The following GALNT14 variants were observed in gnomAD, a reference collection of about 807,000 sequenced individuals.
The protein encoded by GALNT14 is UDP-GalNAc:polypeptide N-acetylgalactosaminyltransferase 14.
A neutral mutation model predicts 77.5 loss-of-function variants in GALNT14; 60 were observed. That is an observed-to-expected ratio of 0.77 (90% CI 0.63 to 0.96). The LOEUF (loss-of-function observed/expected upper bound fraction) is 0.96. Among genes scored for constraint, GALNT14 ranks in the 40% least tolerant of loss-of-function variants. GALNT14 has a pLI of 0.00. For missense variants in GALNT14, 710 were observed against 731.0 expected, an observed-to-expected ratio of 0.97 and a Z score of 0.33; for synonymous variants, 280 against 281.7, an observed-to-expected ratio of 0.99 and a Z score of 0.06.
At chr2:31,130,734 C>CTGTGTGTGTGTGTGTG (rs4020220) in intron 1 of GALNT14, among the ~76,000 whole-genome samples, 141 of 117,514 alleles carry the variant, frequency 1.2e-3, no homozygotes, top group Middle Eastern at 5.0e-3. Flanking sequence ...CAGGGTACCT[C>CTGTGTGTGTGTGTGTG]TGTGTGTGTG....
intron 1 of GALNT14, among the ~76,000 whole-genome samples, chr2:31,033,326 G>A (rs574384788): frequency 2.7e-4 from 41 of 152,154 alleles, no homozygotes; most frequent in African/African-American, 8.7e-4. Context: ...TTTCCTCATG[G>A]CCCTGGCACT....
intron 6 of GALNT14, 105 bp from the exon 7 acceptor site, chr2:30,945,975 G>A: frequency 1.2e-6 from 1 of 859,986 alleles, no homozygotes; most frequent in Non-Finnish European, 1.9e-6. Context: ...GAGTTTTGTG[G>A]CCTTCATAGA....
chr2:30,894,774 T>C, the GALNT14 span, among the ~76,000 whole-genome samples: 1 of 152,172 alleles, frequency 6.6e-6, no homozygotes, highest in East Asian at 1.9e-4. Context: ...TGGTGAGTGG[T>C]CATCCCTCTG....
At chr2:31,024,797 G>A (rs1294734439) in intron 1 of GALNT14, among the ~76,000 whole-genome samples, 2 of 152,102 alleles carry the variant, frequency 1.3e-5, no homozygotes, top group Admixed American at 6.6e-5. Context: ...CAAATACCAG[G>A]CCCAAAGTAT....
chr2:31,129,985 G>A (rs1053604589), intron 1 of GALNT14, among the ~76,000 whole-genome samples: 3 of 152,166 alleles, frequency 2.0e-5, no homozygotes, highest in African/African-American at 7.2e-5. Flanking sequence ...GAAGACAGCC[G>A]GGGTGGTTGT....
chr2:31,052,580 T>C (rs962418009), intron 1 of GALNT14, among the ~76,000 whole-genome samples: 15 of 152,096 alleles, frequency 9.9e-5, no homozygotes, highest in Non-Finnish European at 1.8e-4. Flanking sequence ...TGCAGCAGCC[T>C]GGCACTCTAG....
the GALNT14 span, among the ~76,000 whole-genome samples, chr2:30,896,380 G>A: frequency 6.6e-6 from 1 of 152,236 alleles, no homozygotes; most frequent in Non-Finnish European, 1.5e-5. Context: ...AGGCAGCAGA[G>A]CCTAGAACCA....
chr2:30,962,017 G>T (rs1420400272), intron 3 of GALNT14, among the ~76,000 whole-genome samples: 1 of 151,996 alleles, frequency 6.6e-6, no homozygotes, highest in East Asian at 1.9e-4. Context: ...TACAGATGGG[G>T]CCCAAGAAAC....
chr2:30,928,506 T>C (rs1234743031), intron 11 of GALNT14, among the ~76,000 whole-genome samples: 1 of 152,132 alleles, frequency 6.6e-6, no homozygotes, highest in African/African-American at 2.4e-5. Context: ...GAAGCCTCAG[T>C]CTCCTCATCT....
At chr2:31,129,745 G>A in intron 1 of GALNT14, 1 of 662,748 alleles carries the variant, frequency 1.5e-6, no homozygotes, top group Non-Finnish European at 1.9e-6. Flanking sequence ...GGACATCAAT[G>A]ATTACTGTTC....
chr2:30,913,261 A>G (rs780845446), intron 13 of GALNT14, among the ~76,000 whole-genome samples: 2 of 152,112 alleles, frequency 1.3e-5, no homozygotes, highest in Non-Finnish European at 2.9e-5. Flanking sequence ...GGCAAAGATG[A>G]TTCCTGAATT....
intron 11 of GALNT14, among the ~76,000 whole-genome samples, chr2:30,928,137 G>T (rs575178786): frequency 6.6e-6 from 1 of 152,310 alleles, no homozygotes; most frequent in African/African-American, 2.4e-5. Flanking sequence ...TGGAGGTTTG[G>T]AGTGAGAGAA....
intron 1 of GALNT14, among the ~76,000 whole-genome samples, chr2:31,050,915 C>T (rs1558526937): frequency 6.6e-6 from 1 of 151,852 alleles, no homozygotes; most frequent in Non-Finnish European, 1.5e-5. Flanking sequence ...GCCTGTGAGT[C>T]ACGGCCAAAT....
chr2:30,913,373 TTGGCTACTTC>T (rs1558397287), intron 13 of GALNT14, among the ~76,000 whole-genome samples: 2 of 152,120 alleles, frequency 1.3e-5, no homozygotes, highest in East Asian at 3.9e-4. Context: ...AGGTTACTCA[TTGGCTACTTC>T]CCCTTGGCCC....
At chr2:30,942,778 CT>C (rs1278788056) in intron 8 of GALNT14, among the ~76,000 whole-genome samples, 1 of 152,196 alleles carries the variant, frequency 6.6e-6, no homozygotes, top group Admixed American at 6.5e-5. Flanking sequence ...TTTCCTGAAA[CT>C]GGGCTCTCTC....
At chr2:30,988,126 G>A (rs1025168872) in intron 2 of GALNT14, among the ~76,000 whole-genome samples, 2 of 152,190 alleles carry the variant, frequency 1.3e-5, no homozygotes, top group Admixed American at 1.3e-4. Context: ...AGGTGGGAGA[G>A]GGTGGTCAAT....
chr2:30,978,593 T>C (rs1668787558), intron 2 of GALNT14, among the ~76,000 whole-genome samples: 1 of 152,316 alleles, frequency 6.6e-6, no homozygotes, highest in African/African-American at 2.4e-5. Flanking sequence ...TGAGCGAGGA[T>C]GGTTTTAAAT....
the GALNT14 span, among the ~76,000 whole-genome samples, chr2:30,893,720 G>A: frequency 3.3e-5 from 5 of 151,948 alleles, no homozygotes; most frequent in Admixed American, 2.0e-4. Context: ...GAGTCGTTGC[G>A]GAGTAGGGGA....
At chr2:30,892,921 T>C in the GALNT14 span, among the ~76,000 whole-genome samples, 2 of 152,222 alleles carry the variant, frequency 1.3e-5, no homozygotes, top group Admixed American at 6.5e-5. Context: ...TTGACAACAA[T>C]GCCTTCAGGA....
Sources: allele counts gnomAD v4.1 joint callset (sites outside exome capture counted in the v4.1 genomes callset), GRCh38; gene constraint gnomAD v4.1.1; transcripts MANE v1.5; gene names NCBI Gene and HGNC (gene_info 2026-07-23, HGNC 2026-07-21).